CLEC19A: variants seen among roughly 807,000 people sequenced by gnomAD.
CLEC19A encodes C-type lectin domain family 19 member A.
A neutral mutation model predicts 26.1 loss-of-function variants in CLEC19A; 21 were observed. The observed-to-expected ratio is 0.80, with a 90% CI of 0.57 to 1.16. The LOEUF is 1.16. Ranked by LOEUF, CLEC19A falls within the 50% of genes most tolerant of loss-of-function variation. The pLI, the probability that CLEC19A is intolerant of heterozygous loss-of-function variation, is 0.00. For missense variants in CLEC19A, 224 were observed against 227.6 expected, an observed-to-expected ratio of 0.98 and a Z score of 0.10; for synonymous variants, 89 against 88.6, an observed-to-expected ratio of 1.00 and a Z score of -0.03.
chr16:19,308,435 A>G (rs924313365), intron 4 of CLEC19A, among the ~76,000 whole-genome samples: 7 of 152,236 alleles, frequency 4.6e-5, no homozygotes, highest in African/African-American at 1.7e-4. Flanking sequence ...AAAAAAGAAG[A>G]TAGTGCTCAT....
At chr16:19,300,884 C>A (rs1897804799) in intron 2 of CLEC19A, among the ~76,000 whole-genome samples, 1 of 152,132 alleles carries the variant, frequency 6.6e-6, no homozygotes, top group African/African-American at 2.4e-5. Context: ...GCAGCCCCTG[C>A]CAGAGACTCC....
At chr16:19,306,876 C>G (rs959544537) in intron 3 of CLEC19A, among the ~76,000 whole-genome samples, 1 of 152,122 alleles carries the variant, frequency 6.6e-6, no homozygotes, top group Non-Finnish European at 1.5e-5. Context: ...CATTACATGA[C>G]GTAGGCTCCA....
rs1384538026 is a variant in CLEC19A at position 19,309,352 on chromosome 16, G to A, written c.*269G>A. On this transcript the variant is annotated 3_prime_UTR_variant, in exon 5 of 5. Coordinates refer to ENST00000636231, the MANE Select transcript of CLEC19A (RefSeq NM_001256720.2). ...CCAGGGGTTGTTCTGATTCAGAGTT[G>A]AATCTCACTGGCCTGGCTCGGGTCA... is the stretch of plus-strand genomic sequence containing the variant. 3 of 353,390 alleles carry A rather than the reference G, an allele frequency of 8.5e-6. No individual in the cohort carries two copies. The highest frequency in any genetic ancestry group is 1.6e-5 in the Non-Finnish European group (3 of 191,122). 21.9% of individuals were successfully genotyped at this position (353,390 alleles called of 1,614,324 possible). A position where few individuals can be genotyped will look rare whatever the true frequency, so the allele number is the denominator to read the frequency against.
At chr16:19,306,392 C>A (rs1897955488) in intron 3 of CLEC19A, among the ~76,000 whole-genome samples, 1 of 151,968 alleles carries the variant, frequency 6.6e-6, no homozygotes, top group African/African-American at 2.4e-5. Flanking sequence ...AGTGATCCTC[C>A]CACCTCAGCC....
rs115888371 is a variant in CLEC19A at position 19,301,054 on chromosome 16, T to C, written c.254+2216T>C. 2.2e-3 allele frequency among the ~76,000 whole-genome samples: 336 copies of C among 152,316 alleles called. 4 individuals carry two copies. Among genetic ancestry groups the C allele is most frequent in the African/African-American group, 7.6e-3 (316 of 41,582 alleles). ...TATGAGAGCACAGCACAGTACAGGATTGGCACTTGTAAAGACAGAAGACAT... is the reference window on the plus strand; with the variant it reads ...TATGAGAGCACAGCACAGTACAGGACTGGCACTTGTAAAGACAGAAGACAT... On this transcript the variant is annotated intron_variant, in intron 2 of 4. Transcript: ENST00000636231.
chr16:19,308,645 C>A (rs11862715), intron 4 of CLEC19A, among the ~76,000 whole-genome samples: 2,487 of 152,322 alleles, frequency 0.016, 68 homozygotes, highest in African/African-American at 0.056. Flanking sequence ...TCTAGATCTA[C>A]AGAACTCCAG....
At chr16:19,306,974 G>A (rs1182183526) in intron 3 of CLEC19A, among the ~76,000 whole-genome samples, 1 of 152,192 alleles carries the variant, frequency 6.6e-6, no homozygotes. Flanking sequence ...TAAAGATGTA[G>A]TTTTTTCCAC....
chr16:19,286,466 G>C (rs1897472031), intron 1 of CLEC19A, among the ~76,000 whole-genome samples: 1 of 152,176 alleles, frequency 6.6e-6, no homozygotes, highest in Non-Finnish European at 1.5e-5. Flanking sequence ...CTGGAGGCCT[G>C]GCCCAGCAAC....
At chr16:19,286,745 T>C (rs1897478410) in intron 1 of CLEC19A, among the ~76,000 whole-genome samples, 3 of 152,180 alleles carry the variant, frequency 2.0e-5, no homozygotes, top group African/African-American at 7.2e-5. Context: ...TTATTTATCA[T>C]AGCAGTGGCA....
chr16:19,308,957 T>C, intron 4 of CLEC19A, 47 bp from the exon 5 acceptor site: 2 of 1,489,880 alleles, frequency 1.3e-6, no homozygotes, highest in Non-Finnish European at 1.8e-6. Flanking sequence ...TACTTTTATC[T>C]TGGCGGATGG....
At chr16:19,297,108 A>G (rs1897721366) in intron 1 of CLEC19A, among the ~76,000 whole-genome samples, 2 of 152,200 alleles carry the variant, frequency 1.3e-5, no homozygotes, top group African/African-American at 4.8e-5. Context: ...ATCTCTTAAG[A>G]AGCTTTCAGA....
At chr16:19,299,988 C>A (rs1186841256) in intron 2 of CLEC19A, among the ~76,000 whole-genome samples, 1 of 152,134 alleles carries the variant, frequency 6.6e-6, no homozygotes, top group Non-Finnish European at 1.5e-5. Context: ...CTTTGGGAGG[C>A]CGAGGCAGGC....
intron 4 of CLEC19A, among the ~76,000 whole-genome samples, 185 bp from the exon 5 acceptor site, chr16:19,308,819 A>T (rs1429514185): frequency 6.6e-6 from 1 of 152,208 alleles, no homozygotes; most frequent in Non-Finnish European, 1.5e-5. Context: ...CCAAGGTGAC[A>T]AGCCAGAATC....
chr16:19,292,812 G>T (rs1897617300), intron 1 of CLEC19A, among the ~76,000 whole-genome samples: 1 of 152,180 alleles, frequency 6.6e-6, no homozygotes, highest in South Asian at 2.1e-4. Flanking sequence ...AATGGCAAAA[G>T]TGTGGGCAAA....
intron 2 of CLEC19A, among the ~76,000 whole-genome samples, chr16:19,301,577 T>G (rs958247988): frequency 1.3e-5 from 2 of 152,050 alleles, no homozygotes; most frequent in Non-Finnish European, 2.9e-5. Context: ...TATTTATTTA[T>G]TTATTTAGAC....
intron 1 of CLEC19A, among the ~76,000 whole-genome samples, chr16:19,291,340 T>C (rs1458777985): frequency 6.6e-6 from 1 of 152,128 alleles, no homozygotes; most frequent in Admixed American, 6.5e-5. Context: ...CAAAAGGAAA[T>C]GGGCTTAAAT....
intron 2 of CLEC19A, 82 bp from the exon 3 acceptor site, chr16:19,303,980 A>G (rs1597088026): frequency 8.4e-7 from 1 of 1,186,356 alleles, no homozygotes. Flanking sequence ...AGGAAGGTAA[A>G]TATGGATTGC....
At chr16:19,294,155 A>T (rs1485506418) in intron 1 of CLEC19A, among the ~76,000 whole-genome samples, 2 of 78,822 alleles carry the variant, frequency 2.5e-5, no homozygotes, top group Admixed American at 1.4e-4. Context: ...AAGTTTATTT[A>T]AAAAAAAAAA....
intron 2 of CLEC19A, among the ~76,000 whole-genome samples, chr16:19,301,727 GTTTTTTTGGTTTTTTTTTT>G (rs1434231958): frequency 3.9e-3 from 112 of 28,552 alleles, no homozygotes; most frequent in African/African-American, 9.1e-3. Context: ...CCATGCCCAG[GTTTTTTTGGTTTTTTTTTT>G]TTTTTTTTTT....
Sources: gnomAD v4.1 joint callset for allele counts (sites outside exome capture counted in the v4.1 genomes callset) on GRCh38, gnomAD v4.1.1 for gene constraint, MANE v1.5 for transcripts, NCBI Gene and HGNC (gene_info 2026-07-23, HGNC 2026-07-21) for gene names.